Variants in MERTK observed in about 807,000 individuals in gnomAD.
MERTK encodes MER proto-oncogene, tyrosine kinase, also known as tyrosine-protein kinase Mer.
Under a neutral mutation model 99.3 loss-of-function variants are expected in MERTK, and 69 were observed. The ratio of observed to expected loss-of-function variants is 0.70; its 90% CI spans 0.57 to 0.85. MERTK has a LOEUF of 0.85. Ranked by LOEUF, MERTK falls within the 40% of genes least tolerant of loss-of-function variation. The pLI, the probability that MERTK is intolerant of heterozygous loss-of-function variation, is 0.00. For synonymous variants in MERTK, 426 were observed against 467.6 expected (o/e 0.91, Z 1.15); for missense variants, 1,125 against 1,249.4 (o/e 0.90, Z 1.50).
intron 1 of MERTK, among the ~76,000 whole-genome samples, chr2:111,924,091 G>A (rs1684512779): frequency 6.6e-6 from 1 of 152,146 alleles, no homozygotes; most frequent in Non-Finnish European, 1.5e-5. Flanking sequence ...TGTGCAGTAC[G>A]AGCCTCACCA....
chr2:112,025,015 G>T (rs1050871451), intron 18 of MERTK: 1 of 154,386 alleles, frequency 6.5e-6, no homozygotes, highest in Non-Finnish European at 1.5e-5. Context: ...GTGAGGGAAA[G>T]GTCAGTGACT....
intron 1 of MERTK, among the ~76,000 whole-genome samples, chr2:111,911,780 C>T (rs981795334): frequency 1.4e-5 from 2 of 142,994 alleles, no homozygotes; most frequent in Non-Finnish European, 3.0e-5. Context: ...GCCTAAACTC[C>T]TGGGCTCAAG....
chr2:112,012,144 G>A (rs28377357), intron 15 of MERTK, among the ~76,000 whole-genome samples: 46,069 of 151,836 alleles, frequency 0.3, 7,294 homozygotes, highest in South Asian at 0.34. Context: ...TAGATCAGAG[G>A]TGGTGATTGG....
At chr2:111,906,641 C>T (rs986737033) in intron 1 of MERTK, among the ~76,000 whole-genome samples, 2 of 152,232 alleles carry the variant, frequency 1.3e-5, no homozygotes, top group African/African-American at 2.4e-5. Context: ...GGCAGGCTGC[C>T]TCCACACAGG....
intron 8 of MERTK, among the ~76,000 whole-genome samples, chr2:111,987,933 G>A (rs1327500869): frequency 2.0e-5 from 3 of 151,730 alleles, no homozygotes; most frequent in Non-Finnish European, 4.4e-5. Flanking sequence ...ATAGATCTTG[G>A]AAGTCTCATA....
intron 14 of MERTK, 112 bp from the exon 15 acceptor site, chr2:112,009,836 C>T: frequency 1.2e-6 from 1 of 848,902 alleles, no homozygotes; most frequent in Non-Finnish European, 2.0e-6. Context: ...TTGATTTTTT[C>T]AAACTGTTAA....
At chr2:111,971,382 A>G (rs1416644586) in intron 6 of MERTK, among the ~76,000 whole-genome samples, 1 of 143,412 alleles carries the variant, frequency 7.0e-6, no homozygotes, top group African/African-American at 2.6e-5. Context: ...CTCTTTTTCT[A>G]GTTTTGTAAG....
chr2:111,929,115 T>C lies in MERTK; in HGVS notation c.62-5T>C, dbSNP rs1270218975. Reference sequence around the variant, plus strand: ...AGGCTAAAATTTGGATGTTCTGTTTTACAGCTATCACTGAGGCAAGGGAAG... The same window carrying C: ...AGGCTAAAATTTGGATGTTCTGTTTCACAGCTATCACTGAGGCAAGGGAAG... On this transcript the variant is annotated splice_region_variant and splice_polypyrimidine_tract_variant and intron_variant, in intron 1 of 18. Coordinates refer to ENST00000295408, the MANE Select transcript of MERTK (RefSeq NM_006343.3). The C allele has an allele frequency of 1.2e-6, 2 of 1,614,210 alleles. No individual in the cohort carries two copies. Among genetic ancestry groups the C allele is most frequent in the South Asian group, 1.1e-5 (1 of 91,086 alleles).
chr2:111,900,120 T>G (rs778652738), intron 1 of MERTK, among the ~76,000 whole-genome samples: 4 of 151,872 alleles, frequency 2.6e-5, no homozygotes, highest in Non-Finnish European at 5.9e-5. Flanking sequence ...CCTTCACCTA[T>G]TACAGTCAAA....
At chr2:111,930,423 G>A (rs1297612522) in intron 2 of MERTK, 2 of 151,566 alleles carry the variant, frequency 1.3e-5, no homozygotes, top group African/African-American at 2.4e-5. Flanking sequence ...CCTGTGACTA[G>A]CCACTGCATT....
chr2:111,964,392 TGTGTGTGC>T (rs142778781), intron 4 of MERTK, among the ~76,000 whole-genome samples: 30,238 of 137,014 alleles, frequency 0.22, 3,404 homozygotes, highest in Middle Eastern at 0.36. Flanking sequence ...TGTGTGTGTG[TGTGTGTGC>T]GCGCGCGCAC....
At chr2:111,931,592 A>G (rs1463147650) in intron 2 of MERTK, among the ~76,000 whole-genome samples, 1 of 152,078 alleles carries the variant, frequency 6.6e-6, no homozygotes, top group Non-Finnish European at 1.5e-5. Flanking sequence ...AGACTGAGGC[A>G]GGAGAATTGC....
intron 1 of MERTK, among the ~76,000 whole-genome samples, chr2:111,924,671 G>A (rs930335913): frequency 3.3e-5 from 5 of 152,070 alleles, no homozygotes; most frequent in African/African-American, 4.8e-5. Flanking sequence ...CTCCTGCCTC[G>A]ACTGGGATTC....
chr2:112,020,118 A>G (rs1393199988), intron 16 of MERTK, among the ~76,000 whole-genome samples: 1 of 152,128 alleles, frequency 6.6e-6, no homozygotes, highest in Non-Finnish European at 1.5e-5. Flanking sequence ...TGGTCCTTCA[A>G]TGTATTTTGT....
At chr2:111,935,856 A>G (rs1684756764) in intron 2 of MERTK, among the ~76,000 whole-genome samples, 1 of 152,144 alleles carries the variant, frequency 6.6e-6, no homozygotes, top group Non-Finnish European at 1.5e-5. Flanking sequence ...AGATGATTAT[A>G]TATCCTGTTT....
At chr2:111,933,122 T>C (rs1235641732) in intron 2 of MERTK, among the ~76,000 whole-genome samples, 4 of 152,244 alleles carry the variant, frequency 2.6e-5, no homozygotes, top group Non-Finnish European at 5.9e-5. Flanking sequence ...TTATATAATT[T>C]CTTGGCAAGA....
chr2:111,974,886 A>G (rs1285525275), intron 6 of MERTK, among the ~76,000 whole-genome samples: 2 of 152,092 alleles, frequency 1.3e-5, no homozygotes, highest in Non-Finnish European at 2.9e-5. Context: ...AAAATAGTAA[A>G]TATTTCAGGG....
At chr2:111,997,111 G>C in intron 9 of MERTK, 1 of 724,952 alleles carries the variant, frequency 1.4e-6, no homozygotes, top group South Asian at 1.4e-5. Flanking sequence ...CTATGTATAT[G>C]TTATGGAATG....
intron 6 of MERTK, among the ~76,000 whole-genome samples, chr2:111,969,020 T>C (rs1028213242): frequency 6.6e-6 from 1 of 152,186 alleles, no homozygotes; most frequent in African/African-American, 2.4e-5. Flanking sequence ...ATCCTGGTCA[T>C]TGCAGGCCTT....
Sources: allele counts gnomAD v4.1 joint callset (sites outside exome capture counted in the v4.1 genomes callset), GRCh38; gene constraint gnomAD v4.1.1; transcripts MANE v1.5; gene names NCBI Gene and HGNC (gene_info 2026-07-23, HGNC 2026-07-21).